FRMD4B: variants seen among roughly 807,000 people sequenced by gnomAD.
The protein encoded by FRMD4B is FERM domain containing 4B, also known as FERM domain-containing protein 4B.
A neutral mutation model predicts 141.5 loss-of-function variants in FRMD4B; 74 were observed. The observed-to-expected ratio is 0.52, with a 90% CI of 0.43 to 0.63. The LOEUF (loss-of-function observed/expected upper bound fraction) is 0.63. Among genes scored for constraint, FRMD4B ranks in the 30% least tolerant of loss-of-function variants. The probability of loss-of-function intolerance (pLI) is 0.00; values close to 1 mark genes in which losing one functional copy is unlikely to be tolerated. For missense variants in FRMD4B, 1,366 were observed against 1,253.4 expected (o/e 1.09, Z -1.36); for synonymous variants, 506 against 467.9 (o/e 1.08, Z -1.05).
At chr3:69,366,284 C>A (rs374798523) in intron 1 of FRMD4B, among the ~76,000 whole-genome samples, 3,474 of 112,056 alleles carry the variant, frequency 0.031, 92 homozygotes, top group African/African-American at 0.079. Flanking sequence ...AAAACAAAAA[C>A]AAAAAAAATT....
Position 69,239,472 on chromosome 3 carries a change from G to A in FRMD4B, c.581+9754C>T, listed in dbSNP as rs112158892. 3.5e-3 allele frequency among the ~76,000 whole-genome samples: 539 copies of A among 152,198 alleles called. 2 individuals carry two copies. The highest frequency in any genetic ancestry group is 0.012 in the African/African-American group (487 of 41,532). Reference sequence around the variant, plus strand: ...AATGTGATGAAAGATTTTTCTAAACGTCAGCCAGCTCCCTGAGGACTCCGA... The same window carrying A: ...AATGTGATGAAAGATTTTTCTAAACATCAGCCAGCTCCCTGAGGACTCCGA... On this transcript the variant is annotated intron_variant, in intron 7 of 22. Coordinates refer to ENST00000398540, the MANE Select transcript of FRMD4B (RefSeq NM_015123.3).
At chr3:69,372,413 C>T (rs1314442765) in intron 1 of FRMD4B, among the ~76,000 whole-genome samples, 1 of 152,172 alleles carries the variant, frequency 6.6e-6, no homozygotes, top group African/African-American at 2.4e-5. Context: ...GCCTGTAATC[C>T]CAACACTTTG....
chr3:69,368,253 C>A (rs1352558226), intron 1 of FRMD4B, among the ~76,000 whole-genome samples: 1 of 152,130 alleles, frequency 6.6e-6, no homozygotes, highest in East Asian at 1.9e-4. Flanking sequence ...CTGAGTTACC[C>A]AGCCAGTAAA....
At chr3:69,541,043 G>A (rs1327821794) in intron 1 of FRMD4B, 1 of 152,126 alleles carries the variant, frequency 6.6e-6, no homozygotes, top group Non-Finnish European at 1.5e-5. Context: ...CATTTGATTT[G>A]GAAACCCCAC....
chr3:69,514,809 A>G (rs1410694183), intron 1 of FRMD4B, among the ~76,000 whole-genome samples: 3 of 152,222 alleles, frequency 2.0e-5, no homozygotes, highest in Non-Finnish European at 4.4e-5. Flanking sequence ...TACAGATTCA[A>G]AACAATCCCT....
chr3:69,384,595 C>G (rs1704203754), intron 1 of FRMD4B, among the ~76,000 whole-genome samples: 1 of 152,202 alleles, frequency 6.6e-6, no homozygotes, highest in African/African-American at 2.4e-5. Context: ...TCTCAAACTC[C>G]CACATGCTGC....
intron 1 of FRMD4B, among the ~76,000 whole-genome samples, chr3:69,357,661 C>G (rs957937157): frequency 6.6e-6 from 1 of 152,172 alleles, no homozygotes; most frequent in Admixed American, 6.5e-5. Flanking sequence ...TCAAAACTAT[C>G]ACTTTCATCA....
At chr3:69,417,253 G>A (rs1704883453) in intron 2 of FRMD4B, among the ~76,000 whole-genome samples, 1 of 152,178 alleles carries the variant, frequency 6.6e-6, no homozygotes, top group South Asian at 2.1e-4. Flanking sequence ...TCTAACTGGT[G>A]TGAGATGGTA....
At chr3:69,401,792 G>A (rs893335589) in intron 2 of FRMD4B, among the ~76,000 whole-genome samples, 4 of 152,064 alleles carry the variant, frequency 2.6e-5, no homozygotes, top group Admixed American at 6.5e-5. Context: ...CAAGCGATCT[G>A]CCTGCCTCGG....
intron 4 of FRMD4B, among the ~76,000 whole-genome samples, chr3:69,297,356 C>T (rs1701066295): frequency 6.6e-6 from 1 of 152,100 alleles, no homozygotes; most frequent in Non-Finnish European, 1.5e-5. Flanking sequence ...GAGTTCTTCT[C>T]AGCCCTGAGT....
intron 1 of FRMD4B, among the ~76,000 whole-genome samples, chr3:69,466,116 T>C (rs1018524486): frequency 1.3e-5 from 2 of 152,216 alleles, no homozygotes; most frequent in East Asian, 3.8e-4. Context: ...CACTGTGGTT[T>C]TGATTTGCAT....
chr3:69,251,728 A>G (rs1315018153), intron 5 of FRMD4B, among the ~76,000 whole-genome samples: 1 of 152,268 alleles, frequency 6.6e-6, no homozygotes, highest in Non-Finnish European at 1.5e-5. Context: ...ATCAAAGGGA[A>G]GCCAGGTTGA....
intron 1 of FRMD4B, among the ~76,000 whole-genome samples, chr3:69,328,939 T>A (rs1056169142): frequency 3.9e-5 from 6 of 152,192 alleles, no homozygotes; most frequent in Non-Finnish European, 8.8e-5. Flanking sequence ...CTGCTCTGCC[T>A]ATGGAGTGGC....
intron 5 of FRMD4B, among the ~76,000 whole-genome samples, chr3:69,250,501 A>T (rs113247533): frequency 1.3e-4 from 19 of 151,934 alleles, no homozygotes; most frequent in Admixed American, 5.2e-4. Context: ...TCCTGGGATA[A>T]TTTTTTTCCC....
At chr3:69,197,610 C>T (rs140639109) in intron 12 of FRMD4B, 2,016 of 101,652 alleles carry the variant, frequency 0.02, 11 homozygotes, top group Non-Finnish European at 0.026. Context: ...AGAGGGGGAG[C>T]GGGGAGAAGG....
chr3:69,437,434 T>G (rs947937405), intron 1 of FRMD4B, among the ~76,000 whole-genome samples: 3 of 148,072 alleles, frequency 2.0e-5, no homozygotes, highest in African/African-American at 7.4e-5. Context: ...TATATATACA[T>G]ATATATAATA....
rs577275162 is a variant in FRMD4B at position 69,215,284 on chromosome 3, CTTTT to C, written c.876+975_876+978del. Among the ~76,000 whole-genome samples the C allele has an allele frequency of 6.0e-3, 273 of 45,166 alleles. 1 individual carries two copies. The highest frequency in any genetic ancestry group is 7.0e-3 in the African/African-American group (97 of 13,848). The allele number at this position is 45,166 out of a possible 152,430, so 29.6% of individuals were successfully genotyped here. ...TCCAAATCTGATAGATTGTGACCCT[CTTTT>C]TTTTTTTTTTTTTTTTTTTTTTGAG... On this transcript the variant is annotated intron_variant, in intron 11 of 22. Transcript: ENST00000398540.
At chr3:69,275,096 A>T (rs1192295242) in intron 5 of FRMD4B, among the ~76,000 whole-genome samples, 8 of 152,224 alleles carry the variant, frequency 5.3e-5, no homozygotes, top group Non-Finnish European at 8.8e-5. Flanking sequence ...CTAAAAGTGT[A>T]ACAAAACTGA....
intron 1 of FRMD4B, among the ~76,000 whole-genome samples, chr3:69,371,389 C>G (rs1349134301): frequency 6.6e-6 from 1 of 152,162 alleles, no homozygotes; most frequent in Non-Finnish European, 1.5e-5. Context: ...AGAAGGAATA[C>G]TGATCACACA....
Sources: gnomAD v4.1 joint callset for allele counts (sites outside exome capture counted in the v4.1 genomes callset) on GRCh38, gnomAD v4.1.1 for gene constraint, MANE v1.5 for transcripts, NCBI Gene and HGNC (gene_info 2026-07-23, HGNC 2026-07-21) for gene names.